Variants in CENPW observed in about 807,000 individuals in gnomAD.
The protein encoded by CENPW is centromere protein W.
A neutral mutation model predicts 11.1 loss-of-function variants in CENPW; 3 were observed. The ratio of observed to expected loss-of-function variants is 0.27; its 90% confidence interval spans 0.12 to 0.70. The LOEUF (loss-of-function observed/expected upper bound fraction) is 0.70. CENPW is among the 30% of genes least tolerant of loss of function. The probability of loss-of-function intolerance (pLI) is 0.77; values close to 1 mark genes in which losing one functional copy is unlikely to be tolerated. For synonymous variants in CENPW, 38 were observed against 42.0 expected, an observed-to-expected ratio of 0.91 and a Z score of 0.37; for missense variants, 100 against 105.6, an observed-to-expected ratio of 0.95 and a Z score of 0.23.
At chr6:126,446,612 G>C in the CENPW span, among the ~76,000 whole-genome samples, 2 of 151,070 alleles carry the variant, frequency 1.3e-5, no homozygotes, top group East Asian at 3.9e-4. Context: ...AGAGGCTACT[G>C]TGATGGGTTT....
the CENPW span, among the ~76,000 whole-genome samples, chr6:126,470,103 A>G: frequency 3.9e-5 from 6 of 152,214 alleles, no homozygotes; most frequent in Non-Finnish European, 8.8e-5. Context: ...TGTCAAGACA[A>G]TGGAGGAACT....
the CENPW span, among the ~76,000 whole-genome samples, chr6:126,474,856 T>C: frequency 6.6e-6 from 1 of 152,130 alleles, no homozygotes; most frequent in African/African-American, 2.4e-5. Flanking sequence ...TAAACTAGTT[T>C]GAAATAAAGC....
chr6:126,365,158 G>A, the CENPW span, among the ~76,000 whole-genome samples: 1 of 152,096 alleles, frequency 6.6e-6, no homozygotes, highest in Non-Finnish European at 1.5e-5. Context: ...TAGATCACCT[G>A]GCCTAACTCT....
the CENPW span, among the ~76,000 whole-genome samples, chr6:126,453,449 C>G: frequency 6.6e-6 from 1 of 151,210 alleles, no homozygotes; most frequent in African/African-American, 2.4e-5. Flanking sequence ...TCAAATCCAG[C>G]CAAACTAAGC....
the CENPW span, among the ~76,000 whole-genome samples, chr6:126,406,294 C>T: frequency 1.3e-5 from 2 of 151,804 alleles, no homozygotes; most frequent in Non-Finnish European, 2.9e-5. Flanking sequence ...GAGATAAATC[C>T]CACTTGATTA....
the CENPW span, among the ~76,000 whole-genome samples, chr6:126,440,320 A>C: frequency 6.6e-6 from 1 of 151,646 alleles, no homozygotes; most frequent in African/African-American, 2.4e-5. Context: ...TGAACTAAAA[A>C]GAGAAAAGAC....
the CENPW span, among the ~76,000 whole-genome samples, chr6:126,469,028 A>T: frequency 6.6e-6 from 1 of 152,080 alleles, no homozygotes; most frequent in African/African-American, 2.4e-5. Context: ...TACTGACCTC[A>T]AGTGATCCAC....
At chr6:126,413,839 A>G in the CENPW span, among the ~76,000 whole-genome samples, 1 of 152,056 alleles carries the variant, frequency 6.6e-6, no homozygotes, top group Non-Finnish European at 1.5e-5. Context: ...TTTGTATATA[A>G]ATGGATTAAA....
the CENPW span, among the ~76,000 whole-genome samples, chr6:126,424,692 G>C: frequency 2.0e-5 from 3 of 152,048 alleles, no homozygotes; most frequent in Non-Finnish European, 2.9e-5. Context: ...CTGTTTTTCT[G>C]TTCTTTTGTT....
chr6:126,443,052 T>C, the CENPW span, among the ~76,000 whole-genome samples: 3 of 151,330 alleles, frequency 2.0e-5, no homozygotes, highest in Admixed American at 1.3e-4. Context: ...TATAGTCAGC[T>C]GTTTATTTTT....
chr6:126,474,596 C>G, the CENPW span, among the ~76,000 whole-genome samples: 67 of 152,292 alleles, frequency 4.4e-4, no homozygotes, highest in African/African-American at 1.5e-3. Context: ...CTCCTAGGTT[C>G]TGCTTCTGCT....
At chr6:126,343,283 C>T (rs1008613558) in intron 1 of CENPW, among the ~76,000 whole-genome samples, 2 of 152,236 alleles carry the variant, frequency 1.3e-5, no homozygotes, top group East Asian at 1.9e-4. Context: ...TAAGCCTTAG[C>T]GCATTGGAGT....
At chr6:126,414,590 T>G in the CENPW span, among the ~76,000 whole-genome samples, 1 of 152,022 alleles carries the variant, frequency 6.6e-6, no homozygotes, top group East Asian at 1.9e-4. Flanking sequence ...ATTTAAAACT[T>G]TCTTAAAACG....
the CENPW span, among the ~76,000 whole-genome samples, chr6:126,447,055 G>C: frequency 6.6e-6 from 1 of 151,112 alleles, no homozygotes; most frequent in Non-Finnish European, 1.5e-5. Flanking sequence ...CCTACCTGCT[G>C]TTATAGGGGG....
At chr6:126,393,574 T>G in the CENPW span, among the ~76,000 whole-genome samples, 3 of 151,012 alleles carry the variant, frequency 2.0e-5, no homozygotes, top group Admixed American at 1.3e-4. Flanking sequence ...TAATTACCAT[T>G]TTTTTATGTT....
At chr6:126,419,853 C>T in the CENPW span, among the ~76,000 whole-genome samples, 1 of 152,060 alleles carries the variant, frequency 6.6e-6, no homozygotes, top group Non-Finnish European at 1.5e-5. Context: ...TATAAGAATC[C>T]TAATGATTAT....
the CENPW span, among the ~76,000 whole-genome samples, chr6:126,444,759 T>G: frequency 1.3e-5 from 2 of 151,176 alleles, no homozygotes; most frequent in African/African-American, 4.8e-5. Flanking sequence ...ATATTATCCT[T>G]TTTCCTTACA....
the CENPW span, among the ~76,000 whole-genome samples, chr6:126,354,909 A>G: frequency 6.6e-6 from 1 of 152,146 alleles, no homozygotes; most frequent in Non-Finnish European, 1.5e-5. Context: ...AAGGTCCTGC[A>G]TCTCAGGAAA....
the CENPW span, among the ~76,000 whole-genome samples, chr6:126,453,945 C>T: frequency 5.0e-4 from 75 of 150,902 alleles, no homozygotes; most frequent in African/African-American, 1.7e-3. Context: ...TGGCAAAGAT[C>T]AAAACAAAAC....
Sources: gnomAD v4.1 joint callset for allele counts (sites outside exome capture counted in the v4.1 genomes callset) on GRCh38, gnomAD v4.1.1 for gene constraint, MANE v1.5 for transcripts, NCBI Gene and HGNC (gene_info 2026-07-23, HGNC 2026-07-21) for gene names.